Variants in VWA3B observed in about 807,000 individuals in gnomAD.
The protein encoded by VWA3B is von Willebrand factor A domain containing 3B.
Under a neutral mutation model 158.3 loss-of-function variants are expected in VWA3B, and 138 were observed. The ratio of observed to expected loss-of-function variants is 0.87; its 90% confidence interval spans 0.76 to 1.00. The LOEUF is 1.00. Ranked by LOEUF, VWA3B falls within the 50% of genes least tolerant of loss-of-function variation. The probability of loss-of-function intolerance (pLI) is 0.00; values close to 1 mark genes in which losing one functional copy is unlikely to be tolerated. For synonymous variants in VWA3B, 596 were observed against 587.3 expected (o/e 1.01, Z -0.21); for missense variants, 1,555 against 1,565.1 (o/e 0.99, Z 0.11).
intron 21 of VWA3B, among the ~76,000 whole-genome samples, chr2:98,257,009 C>T (rs971650706): frequency 1.1e-4 from 17 of 152,078 alleles, no homozygotes; most frequent in Non-Finnish European, 7.4e-5. Flanking sequence ...TAACTATGGT[C>T]TCCCTACTGT....
Position 98,270,854 on chromosome 2 carries a change from A to G in VWA3B, c.3016A>G (p.Lys1006Glu). The change falls in exon 22 of 28, where the codon AAG becomes GAG. Residue 1006 changes from lysine (K) to glutamate (E), a missense_variant. Transcript: ENST00000477737. ...QAMELQEAAK[K>E]NYANKAPGEQ... Reference sequence around the variant, plus strand: ...CATGGAACTCCAGGAGGCTGCCAAGAAGAATTATGCAAACAAGGCCCCGGG... The same window carrying G: ...CATGGAACTCCAGGAGGCTGCCAAGGAGAATTATGCAAACAAGGCCCCGGG... The G allele has an allele frequency of 6.2e-7, 1 of 1,614,068 alleles. No individual in the cohort carries two copies. Among genetic ancestry groups the G allele is most frequent in the Non-Finnish European group, 8.5e-7 (1 of 1,179,934 alleles).
At position 98,204,518 on chromosome 2, in the gene VWA3B, A is replaced by AT. The variant is rs1299579655; in HGVS notation, c.1738-7404dup. On this transcript the variant is annotated intron_variant, in intron 12 of 27. Coordinates refer to ENST00000477737, the MANE Select transcript of VWA3B (RefSeq NM_144992.5). Reference sequence around the variant, plus strand: ...CTGTGCAAATTGATATGCTCATATGATTTTTTTTCCAAATTTTGAACCAAC... The same window carrying AT: ...CTGTGCAAATTGATATGCTCATATGATTTTTTTTTCCAAATTTTGAACCAAC... Among the ~76,000 whole-genome samples, 10 of 152,168 alleles carry AT rather than the reference A, an allele frequency of 6.6e-5. 1 individual carries two copies. Among genetic ancestry groups the AT allele is most frequent in the South Asian group, 6.2e-4 (3 of 4,824 alleles).
In VWA3B at chr2:98,162,801, A is replaced by T. The variant is rs779328825; in HGVS notation, c.989-50A>T. 5.6e-6 allele frequency: 9 copies of T among 1,603,860 alleles called. No individual in the cohort carries two copies. In the East Asian group the frequency reaches 2.0e-4, roughly 36 times the overall value. On this transcript the variant is annotated intron_variant, in intron 7 of 27. Transcript: ENST00000477737. ...TCAGGCCTGCTAGGCGGGCTGCCACATTCCTGGGCCTGTCTCAGCCGGCCG... is the reference window on the plus strand; with the variant it reads ...TCAGGCCTGCTAGGCGGGCTGCCACTTTCCTGGGCCTGTCTCAGCCGGCCG...
At chr2:98,096,569 A>G (rs1682728860) in intron 2 of VWA3B, among the ~76,000 whole-genome samples, 1 of 152,142 alleles carries the variant, frequency 6.6e-6, no homozygotes, top group South Asian at 2.1e-4. Flanking sequence ...ATGCCCAGCC[A>G]GGAGATTTTT....
At chr2:98,281,050 C>T (rs1041174680) in intron 22 of VWA3B, among the ~76,000 whole-genome samples, 5 of 152,214 alleles carry the variant, frequency 3.3e-5, no homozygotes, top group African/African-American at 9.6e-5. Context: ...GCCACTCGCT[C>T]CCCGCCCCGG....
intron 7 of VWA3B, among the ~76,000 whole-genome samples, chr2:98,159,045 A>G (rs1304713061): frequency 6.6e-6 from 1 of 152,184 alleles, no homozygotes; most frequent in African/African-American, 2.4e-5. Context: ...AAGATTGGAC[A>G]GGGAAATGGC....
At chr2:98,329,541 C>T in the VWA3B span, among the ~76,000 whole-genome samples, 18 of 151,938 alleles carry the variant, frequency 1.2e-4, no homozygotes, top group Non-Finnish European at 2.9e-5. Flanking sequence ...AAAAGTGGAT[C>T]TATGACTGGC....
rs769676147 is a variant in VWA3B at position 98,119,732 on chromosome 2, G to T, written c.511G>T (p.Val171Leu). 1.2e-6 allele frequency: 2 copies of T among 1,614,034 alleles called. No homozygotes were observed. The highest frequency in any genetic ancestry group is 2.7e-5 in the African/African-American group (2 of 74,912). The change falls in exon 4 of 28, where the codon GTG (valine) becomes TTG (leucine). Residue 171 changes from valine (V) to leucine (L), a missense_variant. Coordinates refer to ENST00000477737, the MANE Select transcript of VWA3B (RefSeq NM_144992.5). The part of the protein sequence containing the change: ...EALTMVLQEQ[V>L]AHITEFNIIR... The stretch of plus-strand genomic sequence containing the variant: ...TCTAACAATGGTTCTCCAGGAGCAG[G>T]TGGCTCACATAACCGAGTTCAATAT...
chr2:98,112,694 A>G (rs543627399), intron 2 of VWA3B, among the ~76,000 whole-genome samples: 42 of 151,822 alleles, frequency 2.8e-4, no homozygotes, highest in Admixed American at 9.2e-4. Flanking sequence ...TTTTAATCAA[A>G]TCTTGGAAAT....
chr2:98,179,202 C>G, intron 8 of VWA3B: 1 of 471,086 alleles, frequency 2.1e-6, no homozygotes, highest in Non-Finnish European at 4.4e-6. Flanking sequence ...AGTTCCTCAC[C>G]CCTCCTTTGT....
intron 7 of VWA3B, among the ~76,000 whole-genome samples, chr2:98,149,877 C>T (rs914912362): frequency 6.6e-6 from 1 of 152,202 alleles, no homozygotes; most frequent in Non-Finnish European, 1.5e-5. Flanking sequence ...ACCTAAATTA[C>T]TAAAGCCTAG....
intron 23 of VWA3B, chr2:98,292,251 A>G (rs2105953998): frequency 6.6e-6 from 1 of 152,228 alleles, no homozygotes; most frequent in East Asian, 1.9e-4. Flanking sequence ...AAAAAAGATT[A>G]CGTTGCAGAT....
chr2:98,105,491 A>G (rs1673571500), intron 2 of VWA3B, among the ~76,000 whole-genome samples: 1 of 152,200 alleles, frequency 6.6e-6, no homozygotes, highest in Non-Finnish European at 1.5e-5. Context: ...GTTTATCACC[A>G]CAAAGATCTT....
intron 10 of VWA3B, among the ~76,000 whole-genome samples, chr2:98,189,687 T>TTGG (rs1681415452): frequency 6.6e-6 from 1 of 152,226 alleles, no homozygotes. Context: ...TCTCCAACTG[T>TTGG]AGTCTTTAAT....
downstream of VWA3B, among the ~76,000 whole-genome samples, chr2:98,313,506 G>C (rs1055114506): frequency 2.0e-5 from 3 of 152,164 alleles, no homozygotes; most frequent in Non-Finnish European, 4.4e-5. Flanking sequence ...AGGGTATGAG[G>C]GTCTGAAGGA....
At chr2:98,304,953 G>T (rs1206614860) in intron 26 of VWA3B, among the ~76,000 whole-genome samples, 1 of 152,044 alleles carries the variant, frequency 6.6e-6, no homozygotes, top group African/African-American at 2.4e-5. Flanking sequence ...CCACTCTCCT[G>T]TTCACTCCTG....
Position 98,297,899 on chromosome 2 carries a change from C to G in VWA3B, c.3158-8C>G. 2.0e-6 allele frequency: 3 copies of G among 1,482,618 alleles called. No homozygotes were observed. The highest frequency in any genetic ancestry group is 2.7e-6 in the Non-Finnish European group (3 of 1,111,644). The allele number at this position is 1,482,618 out of a possible 1,614,324, so 91.8% of individuals were successfully genotyped here. On this transcript the variant is annotated splice_polypyrimidine_tract_variant and splice_region_variant and intron_variant, in intron 23 of 27. Coordinates refer to ENST00000477737, the MANE Select transcript of VWA3B (RefSeq NM_144992.5). The stretch of plus-strand genomic sequence containing the variant: ...TTTATATTTTATGTTTTCTTTGATT[C>G]CTTCCAGGGGTTGTGAAGAAGTGTG...
downstream of VWA3B, among the ~76,000 whole-genome samples, chr2:98,314,175 TGAG>T (rs1691036630): frequency 6.6e-6 from 1 of 152,088 alleles, no homozygotes; most frequent in Non-Finnish European, 1.5e-5. Context: ...CTCTGTGAGC[TGAG>T]GAGATGGAAA....
chr2:98,307,356 T>G (rs936518581), intron 26 of VWA3B, among the ~76,000 whole-genome samples: 2 of 152,238 alleles, frequency 1.3e-5, no homozygotes, highest in Non-Finnish European at 1.5e-5. Context: ...ATTCTGTATT[T>G]GTTCTGACTG....
Sources: gnomAD v4.1 joint callset for allele counts (sites outside exome capture counted in the v4.1 genomes callset) on GRCh38, gnomAD v4.1.1 for gene constraint, MANE v1.5 for transcripts, NCBI Gene and HGNC (gene_info 2026-07-23, HGNC 2026-07-21) for gene names.